The following UEVLD variants were observed in gnomAD, a reference collection of about 807,000 sequenced individuals.
The protein encoded by UEVLD is ubiquitin-conjugating enzyme E2 variant 3.
Under a neutral mutation model 58.6 loss-of-function variants are expected in UEVLD, and 47 were observed. The observed-to-expected ratio is 0.80, with a 90% CI of 0.63 to 1.02. The LOEUF is 1.02. UEVLD is among the 50% of genes least tolerant of loss of function. The pLI is 0.00. For missense variants in UEVLD, 510 were observed against 550.6 expected, an observed-to-expected ratio of 0.93 and a Z score of 0.74; for synonymous variants, 197 against 195.3, an observed-to-expected ratio of 1.01 and a Z score of -0.07.
chr11:18,534,414 C>A lies in UEVLD; in HGVS notation c.1164G>T (p.Trp388Cys). 6.3e-7 allele frequency: 1 copy of A among 1,578,204 alleles called. No homozygotes were observed. The highest frequency in any genetic ancestry group is 2.0e-5 in the Admixed American group (1 of 50,856). Residue 388 changes from tryptophan (W) to cysteine (C), a missense_variant, in exon 11 of 12, where the codon TGG (tryptophan) becomes TGT (cysteine). Coordinates refer to ENST00000396197, the MANE Select transcript of UEVLD (RefSeq NM_001040697.4). ...ELLRVKGQRS[W>C]SVGLSVADMV... ...TGTCAGCTACTGATAGTCCAACAGA[C>A]CAGGATCTTTGACCTTTTACTCTTA...
At chr11:18,585,259 T>A (rs1485828319) in intron 1 of UEVLD, among the ~76,000 whole-genome samples, 1 of 152,212 alleles carries the variant, frequency 6.6e-6, no homozygotes, top group Non-Finnish European at 1.5e-5. Flanking sequence ...CTCTTATTTG[T>A]GTATTATTTT....
chr11:18,540,475 G>C (rs1450204791), intron 9 of UEVLD, among the ~76,000 whole-genome samples: 2 of 152,134 alleles, frequency 1.3e-5, no homozygotes, highest in African/African-American at 2.4e-5. Flanking sequence ...CCTATCCATG[G>C]ATATAACTAG....
chr11:18,577,947 G>C (rs1853017102), intron 2 of UEVLD, among the ~76,000 whole-genome samples: 1 of 151,182 alleles, frequency 6.6e-6, no homozygotes, highest in Admixed American at 6.6e-5. Context: ...CTTACTATTA[G>C]GTGAACAGAA....
chr11:18,567,291 T>C (rs141858691), intron 4 of UEVLD, among the ~76,000 whole-genome samples: 51 of 152,280 alleles, frequency 3.3e-4, no homozygotes, highest in African/African-American at 1.1e-3. Context: ...GAATAATAAA[T>C]CCCAAATGGT....
At chr11:18,539,129 G>T (rs1385127988) in intron 9 of UEVLD, 23 of 138,758 alleles carry the variant, frequency 1.7e-4, no homozygotes, top group African/African-American at 5.4e-4. Flanking sequence ...AGGCTGGAGT[G>T]CAGTGGTGCA....
intron 9 of UEVLD, among the ~76,000 whole-genome samples, chr11:18,540,642 C>G (rs1200473967): frequency 6.6e-6 from 1 of 152,188 alleles, no homozygotes; most frequent in Non-Finnish European, 1.5e-5. Context: ...TATGTTTTAA[C>G]ACTGGCATTA....
intron 8 of UEVLD, among the ~76,000 whole-genome samples, chr11:18,545,081 T>A (rs1252393831): frequency 4.8e-5 from 7 of 146,918 alleles, no homozygotes; most frequent in East Asian, 2.0e-4. Context: ...TATATTTTTT[T>A]TTTTTTTTTG....
Position 18,536,405 on chromosome 11 carries a change from C to T in UEVLD, c.1124+1G>A. The T allele has an allele frequency of 6.2e-7, 1 of 1,613,582 alleles. No individual in the cohort carries two copies. The highest frequency in any genetic ancestry group is 1.1e-5 in the South Asian group (1 of 91,074). On this transcript the variant is annotated splice_donor_variant, in intron 10 of 11. Coordinates refer to ENST00000396197, the MANE Select transcript of UEVLD (RefSeq NM_001040697.4). LOFTEE classifies it high-confidence loss of function. Reference sequence around the variant, plus strand: ...AAATGCAAATTTCCAGTCAGTGTTACCTGTTGGACAGCTGCACTTGAGAGG... The same window carrying T: ...AAATGCAAATTTCCAGTCAGTGTTATCTGTTGGACAGCTGCACTTGAGAGG...
Position 18,575,337 on chromosome 11 carries a change from C to G in UEVLD, c.193+10G>C, listed in dbSNP as rs1339652432. On this transcript the variant is annotated intron_variant, in intron 3 of 11. Transcript: ENST00000396197. ...GAAAACTCACACATTTTTTCAACTTCCACACTTACCCTGATACATCACAGG... is the reference window on the plus strand; with the variant it reads ...GAAAACTCACACATTTTTTCAACTTGCACACTTACCCTGATACATCACAGG... 6.3e-7 allele frequency: 1 copy of G among 1,595,104 alleles called. No individual in the cohort carries two copies. Among genetic ancestry groups the G allele is most frequent in the East Asian group, 2.2e-5 (1 of 44,748 alleles).
chr11:18,556,152 A>G (rs899246054), intron 7 of UEVLD, among the ~76,000 whole-genome samples: 1 of 152,216 alleles, frequency 6.6e-6, no homozygotes, highest in Non-Finnish European at 1.5e-5. Context: ...TGAGACACAC[A>G]GGAAGAAACA....
At chr11:18,544,870 A>G in intron 8 of UEVLD, 74 bp from the exon 9 acceptor site, 4 of 1,159,076 alleles carry the variant, frequency 3.5e-6, no homozygotes, top group Middle Eastern at 3.0e-4. Flanking sequence ...ACAAATATTT[A>G]TTATTTTAAT....
intron 10 of UEVLD, among the ~76,000 whole-genome samples, chr11:18,536,017 C>T (rs1850779958): frequency 6.6e-6 from 1 of 152,184 alleles, no homozygotes. Flanking sequence ...GCCTGTAATT[C>T]CAGCTACTTG....
chr11:18,547,261 C>A (rs1335679205), intron 7 of UEVLD, among the ~76,000 whole-genome samples: 1 of 152,194 alleles, frequency 6.6e-6, no homozygotes, highest in Non-Finnish European at 1.5e-5. Flanking sequence ...TGTGGTGGCT[C>A]ATGCCTGTAA....
At chr11:18,566,564 T>C in intron 4 of UEVLD, 82 bp from the exon 5 acceptor site, 1 of 1,466,272 alleles carries the variant, frequency 6.8e-7, no homozygotes, top group South Asian at 1.2e-5. Flanking sequence ...GAGTATTACT[T>C]GAGCCCAGGA....
intron 9 of UEVLD, among the ~76,000 whole-genome samples, chr11:18,542,542 C>T (rs954876182): frequency 6.6e-6 from 1 of 151,996 alleles, no homozygotes; most frequent in African/African-American, 2.4e-5. Flanking sequence ...TAGCACTGAG[C>T]CTTCTAGTAG....
intron 9 of UEVLD, among the ~76,000 whole-genome samples, chr11:18,537,575 C>T (rs560727780): frequency 5.0e-4 from 76 of 151,850 alleles, no homozygotes; most frequent in African/African-American, 1.2e-3. Context: ...AGGTGATTCA[C>T]CCACCTTGGC....
chr11:18,588,454 T>C (rs1853701100), intron 1 of UEVLD, among the ~76,000 whole-genome samples, 159 bp downstream of exon 1: 1 of 151,986 alleles, frequency 6.6e-6, no homozygotes, highest in Admixed American at 6.6e-5. Context: ...CCCCTCAGCC[T>C]CCCTGGGGCC....
intron 1 of UEVLD, among the ~76,000 whole-genome samples, chr11:18,581,033 G>C (rs1384560749): frequency 6.6e-6 from 1 of 151,866 alleles, no homozygotes; most frequent in Admixed American, 6.6e-5. Context: ...ATGGTGGCAG[G>C]CGACTATAAT....
chr11:18,536,895 C>CTTTTTT (rs370747121), intron 9 of UEVLD: 24 of 139,978 alleles, frequency 1.7e-4, no homozygotes, highest in East Asian at 1.1e-3. Context: ...AATCCTGTTC[C>CTTTTTT]TTTTTTTTTT....
Sources: gnomAD v4.1 joint callset for allele counts (sites outside exome capture counted in the v4.1 genomes callset) on GRCh38, gnomAD v4.1.1 for gene constraint, MANE v1.5 for transcripts, NCBI Gene and HGNC (gene_info 2026-07-23, HGNC 2026-07-21) for gene names.